The following CPLX2 variants were observed in gnomAD, a reference collection of about 807,000 sequenced individuals.
CPLX2 encodes the protein complexin-2.
A neutral mutation model predicts 16.3 loss-of-function variants in CPLX2; 5 were observed. The ratio of observed to expected loss-of-function variants is 0.31; its 90% CI spans 0.16 to 0.64. CPLX2 has a LOEUF of 0.64. Ranked by LOEUF, CPLX2 falls within the 30% of genes least tolerant of loss-of-function variation. The probability of loss-of-function intolerance (pLI) is 0.79; values close to 1 mark genes in which losing one functional copy is unlikely to be tolerated. For missense variants in CPLX2, 144 were observed against 181.4 expected (o/e 0.79, Z 1.18); for synonymous variants, 89 against 73.2 (o/e 1.22, Z -1.10).
intron 2 of CPLX2, among the ~76,000 whole-genome samples, chr5:175,853,843 G>A (rs1162809335): frequency 1.3e-5 from 2 of 152,188 alleles, no homozygotes; most frequent in Admixed American, 6.5e-5. Context: ...CCTCTGTGGA[G>A]TGCGATTGCT....
At chr5:175,874,593 G>A (rs1218417198) in intron 1 of CPLX2, among the ~76,000 whole-genome samples, 1 of 152,160 alleles carries the variant, frequency 6.6e-6, no homozygotes, top group East Asian at 1.9e-4. Context: ...TTGGGACAAG[G>A]CATACTAGAG....
intron 2 of CPLX2, among the ~76,000 whole-genome samples, chr5:175,861,994 G>A (rs755763847): frequency 2.6e-5 from 4 of 152,148 alleles, no homozygotes; most frequent in Non-Finnish European, 4.4e-5. Context: ...CCTTCTCTGG[G>A]CTCTGAGCCC....
At chr5:175,870,311 G>C (rs892459666), upstream of CPLX2, among the ~76,000 whole-genome samples, 2 of 151,978 alleles carry the variant, frequency 1.3e-5, no homozygotes, top group East Asian at 3.9e-4. Context: ...TCTGACTGGT[G>C]GGGGGGTCTC....
At chr5:175,826,223 C>A (rs1758612711) in intron 2 of CPLX2, among the ~76,000 whole-genome samples, 1 of 152,046 alleles carries the variant, frequency 6.6e-6, no homozygotes, top group Non-Finnish European at 1.5e-5. Context: ...AGAAGACGGA[C>A]CTTTGAGCTG....
chr5:175,799,594 T>G (rs1758055516), intron 1 of CPLX2, among the ~76,000 whole-genome samples: 1 of 134,964 alleles, frequency 7.4e-6, no homozygotes, highest in African/African-American at 2.9e-5. Context: ...CAGCTTACTG[T>G]ATCCTCAAAC....
chr5:175,825,937 CAAAA>C (rs35250246), intron 2 of CPLX2, among the ~76,000 whole-genome samples: 1 of 44,420 alleles, frequency 2.3e-5, no homozygotes, highest in Non-Finnish European at 3.9e-5. Flanking sequence ...TGAATAAGTG[CAAAA>C]AAAAAAAAAA....
At chr5:175,870,084 G>A (rs941165360), upstream of CPLX2, among the ~76,000 whole-genome samples, 1 of 152,144 alleles carries the variant, frequency 6.6e-6, no homozygotes, top group Admixed American at 6.5e-5. Flanking sequence ...TCTAATCAAA[G>A]AGCCTCCCTG....
chr5:175,847,047 G>A (rs1422438417), intron 2 of CPLX2, among the ~76,000 whole-genome samples: 1 of 152,188 alleles, frequency 6.6e-6, no homozygotes, highest in Non-Finnish European at 1.5e-5. Context: ...CAACAAGGTG[G>A]TGGCACCAAG....
rs753815740 is a variant in CPLX2, at chr5:175,871,688, G to C, written c.-106G>C. ...GCCGGAGCCCTGCAGTGGCTCAGAC[G>C]GTTGCAGGGACCGCCAGGTCGGTGC... On this transcript the variant is annotated 5_prime_UTR_variant, in exon 1 of 4. Coordinates refer to ENST00000393745, the MANE Select transcript of CPLX2 (RefSeq NM_001008220.2). The C allele has an allele frequency of 6.6e-6, 1 of 152,502 alleles. No homozygotes were observed. The highest frequency in any genetic ancestry group is 1.5e-5 in the Non-Finnish European group (1 of 68,262). 9.4% of individuals were successfully genotyped at this position (152,502 alleles called of 1,614,324 possible). A position where few individuals can be genotyped will look rare whatever the true frequency, so the allele number is the denominator to read the frequency against.
At chr5:175,847,372 C>T (rs1022764564) in intron 2 of CPLX2, among the ~76,000 whole-genome samples, 1 of 152,130 alleles carries the variant, frequency 6.6e-6, no homozygotes, top group East Asian at 1.9e-4. Flanking sequence ...AGGTCTCACC[C>T]CCGACACAGG....
intron 2 of CPLX2, among the ~76,000 whole-genome samples, chr5:175,814,678 G>A (rs1041466876): frequency 2.0e-5 from 3 of 152,168 alleles, no homozygotes; most frequent in African/African-American, 7.2e-5. Context: ...GGGGGTTATC[G>A]AGGTTATCAG....
chr5:175,878,926 G>A lies in CPLX2; in HGVS notation c.50G>A (p.Gly17Glu). The part of the protein sequence containing the change: ...QALGGATKDM[G>E]KMLGGEEEKD... ...CTCGTAGGGGCCACAAAGGACATGG[G>A]GAAGATGCTGGGGGGAGAGGAGGAG... is the stretch of plus-strand genomic sequence containing the variant. The change falls in exon 3 of 4, where the codon GGG (glycine) becomes GAG (glutamate). Residue 17 changes from glycine (G) to glutamate (E), a missense_variant. Coordinates refer to ENST00000393745, the MANE Select transcript of CPLX2 (RefSeq NM_001008220.2). The A allele has an allele frequency of 6.2e-7, 1 of 1,613,056 alleles. No individual in the cohort carries two copies. The highest frequency in any genetic ancestry group is 1.1e-5 in the South Asian group (1 of 90,744).
chr5:175,878,604 T>G, intron 1 of CPLX2, 48 bp from the exon 2 acceptor site: 1 of 970,006 alleles, frequency 1.0e-6, no homozygotes. Context: ...TCCCCCGCCC[T>G]GCCTGTGCAG....
At chr5:175,799,539 C>CATAT (rs70988299) in intron 1 of CPLX2, among the ~76,000 whole-genome samples, 3,243 of 71,812 alleles carry the variant, frequency 0.045, 88 homozygotes, top group Middle Eastern at 0.085. Context: ...TTGCAAATTT[C>CATAT]ATATATATAT....
intron 1 of CPLX2, chr5:175,878,135 G>A (rs368431707): frequency 3.9e-5 from 6 of 152,466 alleles, no homozygotes; most frequent in African/African-American, 1.4e-4. Flanking sequence ...AGCTGCCTCC[G>A]ATTGGCTGGG....
intron 2 of CPLX2, among the ~76,000 whole-genome samples, chr5:175,852,738 G>A (rs935983507): frequency 2.6e-5 from 4 of 152,210 alleles, no homozygotes; most frequent in African/African-American, 9.7e-5. Flanking sequence ...GGTACTGGAA[G>A]AGCTGAGGCC....
chr5:175,878,824 G>A (rs1755480173), intron 2 of CPLX2, 54 bp downstream of exon 2: 1 of 1,609,450 alleles, frequency 6.2e-7, no homozygotes, highest in Non-Finnish European at 8.5e-7. Flanking sequence ...CTTGTGGGAG[G>A]TGGCCTCGGC....
At chr5:175,832,032 G>T (rs1411696917) in intron 2 of CPLX2, among the ~76,000 whole-genome samples, 1 of 152,206 alleles carries the variant, frequency 6.6e-6, no homozygotes, top group Non-Finnish European at 1.5e-5. Flanking sequence ...TGCCCTCCAT[G>T]TCTCTTGTCT....
At chr5:175,802,391 C>A (rs530727820) in intron 1 of CPLX2, among the ~76,000 whole-genome samples, 1 of 152,300 alleles carries the variant, frequency 6.6e-6, no homozygotes, top group South Asian at 2.1e-4. Context: ...AAGTGCCTGG[C>A]AGATGAAAAC....
Sources: gnomAD v4.1 joint callset for allele counts (sites outside exome capture counted in the v4.1 genomes callset) on GRCh38, gnomAD v4.1.1 for gene constraint, MANE v1.5 for transcripts, NCBI Gene and HGNC (gene_info 2026-07-23, HGNC 2026-07-21) for gene names.